Variants in LRCH2 observed in about 807,000 individuals in gnomAD.
LRCH2 encodes the protein leucine rich repeats and calponin homology domain containing 2, also known as leucine-rich repeat and calponin homology domain-containing protein 2.
Under a neutral mutation model 68.9 loss-of-function variants are expected in LRCH2, and 38 were observed. The ratio of observed to expected loss-of-function variants is 0.55; its 90% CI spans 0.43 to 0.72. The LOEUF (loss-of-function observed/expected upper bound fraction) is 0.72. LRCH2 is among the 30% of genes least tolerant of loss of function. The pLI is 0.00. For synonymous variants in LRCH2, 191 were observed against 208.1 expected (o/e 0.92, Z 0.71); for missense variants, 528 against 572.9 (o/e 0.92, Z 0.80).
intron 14 of LRCH2, among the ~76,000 whole-genome samples, chrX:115,141,871 C>CAA (rs782180667): frequency 3.9e-5 from 2 of 50,999 alleles, no homozygotes; most frequent in African/African-American, 1.4e-4. Context: ...AAGACTCCAC[C>CAA]AAAAAAAAAA....
chrX:115,124,883 A>G (rs1326193464), intron 16 of LRCH2, among the ~76,000 whole-genome samples: 13 of 111,629 alleles, frequency 1.2e-4, no homozygotes, highest in African/African-American at 4.2e-4. Context: ...AAAGCATTAC[A>G]CCAATTAGTT....
rs186026395 is a variant in LRCH2, at chrX:115,213,234, G to T, written c.349+20459C>A. Among the ~76,000 whole-genome samples the T allele has an allele frequency of 8.9e-4, 100 of 112,104 alleles. 1 individual carries two copies. Among genetic ancestry groups the T allele is most frequent in the African/African-American group, 3.2e-3 (99 of 30,900 alleles). ...AGATGCGCAGAAACATGAAGCCATG[G>T]TGAACTGTCTTTGAACAGTACCATT... On this transcript the variant is annotated intron_variant, in intron 1 of 20. Coordinates refer to ENST00000317135, the MANE Select transcript of LRCH2 (RefSeq NM_020871.4).
chrX:115,156,394 T>C (rs2072475132), intron 12 of LRCH2, among the ~76,000 whole-genome samples: 1 of 111,353 alleles, frequency 9.0e-6, no homozygotes, highest in African/African-American at 3.3e-5. Context: ...CAAAAATGCA[T>C]CTATGAGCAA....
In LRCH2 at chrX:115,170,357, C is replaced by G; in HGVS notation, c.940G>C (p.Asp314His). 1 of 1,181,080 alleles carries G rather than the reference C, an allele frequency of 8.5e-7. No homozygotes were observed. The part of the protein sequence containing the change: ...QACCRMDKKP[D>H]SLDLPSLSKR... ...CTCAATGATGGAAGATCCAGGGAAT[C>G]TGGTTTCTTATCCATTCTGCAACAT... Residue 314 changes from aspartate to histidine, a missense_variant, in exon 6 of 21, where the codon GAT (aspartate) becomes CAT (histidine). By Grantham distance (81) the Asp-to-His change is moderately conservative. Transcript: ENST00000317135.
At chrX:115,194,100 G>A (rs1030801610) in intron 1 of LRCH2, among the ~76,000 whole-genome samples, 2 of 110,295 alleles carry the variant, frequency 1.8e-5, no homozygotes, top group Non-Finnish European at 1.9e-5. Context: ...TCCTTATTCA[G>A]AACATTAACA....
chrX:115,125,478 T>C (rs1351760179), intron 16 of LRCH2, among the ~76,000 whole-genome samples: 11 of 81 alleles, frequency 0.14, no homozygotes, highest in African/African-American at 0.18. Flanking sequence ...TATATATATA[T>C]ATATATATAT....
chrX:115,146,611 C>T (rs2072384768), intron 14 of LRCH2, among the ~76,000 whole-genome samples: 1 of 109,772 alleles, frequency 9.1e-6, no homozygotes, highest in Non-Finnish European at 1.9e-5. Context: ...TACTTCCTGG[C>T]ATCATGAAGT....
intron 5 of LRCH2, among the ~76,000 whole-genome samples, chrX:115,171,974 C>A (rs1351656338): frequency 9.0e-6 from 1 of 111,200 alleles, no homozygotes; most frequent in Non-Finnish European, 1.9e-5. Context: ...AACCACCGTG[C>A]CCAGCCCATT....
At chrX:115,218,975 C>A (rs782166793) in intron 1 of LRCH2, among the ~76,000 whole-genome samples, 5 of 112,098 alleles carry the variant, frequency 4.5e-5, no homozygotes, top group Non-Finnish European at 7.5e-5. Context: ...CAAGGTCAAC[C>A]AGCCACTGAA....
intron 16 of LRCH2, among the ~76,000 whole-genome samples, chrX:115,124,778 T>C (rs2072172127): frequency 8.9e-6 from 1 of 111,973 alleles, no homozygotes; most frequent in African/African-American, 3.2e-5. Context: ...TTTGGAAAGT[T>C]ACCCATCTCT....
chrX:115,213,591 T>C (rs1556570584), intron 1 of LRCH2, among the ~76,000 whole-genome samples: 1 of 112,083 alleles, frequency 8.9e-6, no homozygotes, highest in Non-Finnish European at 1.9e-5. Flanking sequence ...CACCAAATAA[T>C]ACCTGCTTAG....
intron 2 of LRCH2, among the ~76,000 whole-genome samples, chrX:115,187,433 G>T (rs1437397208): frequency 1.8e-5 from 2 of 111,898 alleles, no homozygotes; most frequent in Non-Finnish European, 3.8e-5. Context: ...TATACTTACT[G>T]AGTGTTCATT....
chrX:115,167,928 G>A (rs1368017042), intron 6 of LRCH2, among the ~76,000 whole-genome samples: 1 of 111,990 alleles, frequency 8.9e-6, no homozygotes, highest in African/African-American at 3.2e-5. Flanking sequence ...TGACAATGAT[G>A]ATAATAAGCT....
At chrX:115,226,382 C>T (rs927767551) in intron 1 of LRCH2, among the ~76,000 whole-genome samples, 2 of 111,242 alleles carry the variant, frequency 1.8e-5, no homozygotes, top group Admixed American at 9.6e-5. Flanking sequence ...TTGAAACGTA[C>T]GGCTTGAAAA....
At position 115,192,633 on chromosome X, in the gene LRCH2, G is replaced by A. The variant is rs781837446; in HGVS notation, c.350-4263C>T. The A allele has an allele frequency of 1.8e-5, 21 of 1,168,129 alleles. No homozygotes were observed. The South Asian group carries it at 3.8e-4, about 21-fold the overall frequency. On this transcript the variant is annotated intron_variant, in intron 1 of 20. Coordinates refer to ENST00000317135, the MANE Select transcript of LRCH2 (RefSeq NM_020871.4). ...GCCGCTTCGAGAGGGGGGAAGGCCGGAGCAGATACTAAGCAGGAACAGACT... is the reference window on the plus strand; with the variant it reads ...GCCGCTTCGAGAGGGGGGAAGGCCGAAGCAGATACTAAGCAGGAACAGACT...
intron 14 of LRCH2, among the ~76,000 whole-genome samples, chrX:115,130,663 A>G (rs1338821673): frequency 9.0e-6 from 1 of 111,392 alleles, no homozygotes; most frequent in Non-Finnish European, 1.9e-5. Context: ...ATTATTAAGA[A>G]ACCTACTGCT....
chrX:115,125,307 T>C (rs1426724193), intron 16 of LRCH2, among the ~76,000 whole-genome samples: 1 of 101,934 alleles, frequency 9.8e-6, no homozygotes, highest in Non-Finnish European at 2.0e-5. Flanking sequence ...CTCGGGAGGC[T>C]GAGGCACAAG....
At chrX:115,152,598 A>G (rs187082824) in intron 12 of LRCH2, among the ~76,000 whole-genome samples, 1 of 112,000 alleles carries the variant, frequency 8.9e-6, no homozygotes, top group East Asian at 2.8e-4. Flanking sequence ...AGACAGAAAA[A>G]TATTAAAGAA....
intron 1 of LRCH2, among the ~76,000 whole-genome samples, chrX:115,196,559 C>T (rs1361654323): frequency 9.0e-6 from 1 of 111,376 alleles, no homozygotes; most frequent in Admixed American, 9.5e-5. Context: ...AATCTACCAC[C>T]AGGGGCACAT....
Sources: gnomAD v4.1 joint callset for allele counts (sites outside exome capture counted in the v4.1 genomes callset) on GRCh38, gnomAD v4.1.1 for gene constraint, MANE v1.5 for transcripts, NCBI Gene and HGNC (gene_info 2026-07-23, HGNC 2026-07-21) for gene names.